FAM91A1: variants seen among roughly 807,000 people sequenced by gnomAD.
The protein encoded by FAM91A1 is protein FAM91A1.
Under a neutral mutation model 113.5 loss-of-function variants are expected in FAM91A1, and 41 were observed. That is an observed-to-expected ratio of 0.36 (90% CI 0.28 to 0.47). The LOEUF (loss-of-function observed/expected upper bound fraction) is 0.47, where lower values mean the gene tolerates loss of function less well. Among genes scored for constraint, FAM91A1 ranks in the 20% least tolerant of loss-of-function variants. The pLI is 1.00. For missense variants in FAM91A1, 696 were observed against 1,001.2 expected, an observed-to-expected ratio of 0.70 and a Z score of 4.11; for synonymous variants, 307 against 347.9, an observed-to-expected ratio of 0.88 and a Z score of 1.31.
In FAM91A1 at chr8:123,814,362, G is replaced by A; in HGVS notation, c.*1658G>A. 1 of 210,032 alleles carries A rather than the reference G, an allele frequency of 4.8e-6. No homozygotes were observed. Among genetic ancestry groups the A allele is most frequent in the South Asian group, 6.1e-5 (1 of 16,348 alleles). The allele number at this position is 210,032 out of a possible 1,614,324, so 13.0% of individuals were successfully genotyped here. A position where few individuals can be genotyped will look rare whatever the true frequency, so the allele number is the denominator to read the frequency against. ...GTAAGTATTTTTTTTTTTTGATCGGGGCTCTTTAATCTCATTTTAATTTCC... is the reference window on the plus strand; with the variant it reads ...GTAAGTATTTTTTTTTTTTGATCGGAGCTCTTTAATCTCATTTTAATTTCC... On this transcript the variant is annotated 3_prime_UTR_variant, in exon 24 of 24. Coordinates refer to ENST00000334705, the MANE Select transcript of FAM91A1 (RefSeq NM_144963.4).
chr8:123,780,611 CG>C, intron 8 of FAM91A1, 69 bp downstream of exon 8: 9 of 1,254,004 alleles, frequency 7.2e-6, no homozygotes, highest in Non-Finnish European at 1.0e-5. Flanking sequence ...GCATATCATC[CG>C]TTCTAGGATC....
At chr8:123,793,314 T>G (rs1471841921) in intron 15 of FAM91A1, among the ~76,000 whole-genome samples, 2 of 152,204 alleles carry the variant, frequency 1.3e-5, no homozygotes, top group African/African-American at 4.8e-5. Flanking sequence ...CATCAGTGTT[T>G]CCTCCTAGAT....
intron 4 of FAM91A1, among the ~76,000 whole-genome samples, chr8:123,777,553 CTA>C (rs1815016529): frequency 1.3e-5 from 2 of 152,290 alleles, no homozygotes; most frequent in African/African-American, 4.8e-5. Flanking sequence ...AAAAATAAGA[CTA>C]ATCTATATAT....
At chr8:123,807,705 G>A (rs1400833753) in intron 20 of FAM91A1, among the ~76,000 whole-genome samples, 1 of 152,060 alleles carries the variant, frequency 6.6e-6, no homozygotes, top group African/African-American at 2.4e-5. Context: ...TTTTTGGAGG[G>A]TGGCAGCCTT....
intron 5 of FAM91A1, 141 bp downstream of exon 5, chr8:123,778,233 C>T: frequency 1.7e-6 from 1 of 598,342 alleles, no homozygotes; most frequent in Non-Finnish European, 2.9e-6. Context: ...AAAAACTCCT[C>T]AGTATTCTCT....
At position 123,768,653 on chromosome 8, in the gene FAM91A1, T is replaced by G; in HGVS notation, c.-50T>G. 11 of 1,488,866 alleles carry G rather than the reference T, an allele frequency of 7.4e-6. No individual in the cohort carries two copies. The highest frequency in any genetic ancestry group is 1.0e-5 in the Non-Finnish European group (11 of 1,094,204). The allele number at this position is 1,488,866 out of a possible 1,614,324, so 92.2% of individuals were successfully genotyped here. A position where few individuals can be genotyped will look rare whatever the true frequency, so the allele number is the denominator to read the frequency against. ...GCTGCGGGCGGGCAGGCGGGAGGCG[T>G]AGTGTGGGTCGCGGTGGCGGCCCCG... On this transcript the variant is annotated 5_prime_UTR_variant, in exon 1 of 24. Coordinates refer to ENST00000334705, the MANE Select transcript of FAM91A1 (RefSeq NM_144963.4).
At chr8:123,782,375 C>A (rs1226003203) in intron 8 of FAM91A1, among the ~76,000 whole-genome samples, 1 of 152,114 alleles carries the variant, frequency 6.6e-6, no homozygotes, top group Non-Finnish European at 1.5e-5. Context: ...ACAAATAATA[C>A]CTGAATGTGA....
At chr8:123,774,014 A>T in intron 1 of FAM91A1, 66 bp from the exon 2 acceptor site, 1 of 1,280,258 alleles carries the variant, frequency 7.8e-7, no homozygotes, top group African/African-American at 1.5e-5. Flanking sequence ...AAAGTGTGTT[A>T]TGGGAAAAAA....
At chr8:123,779,900 T>C in intron 6 of FAM91A1, 85 bp from the exon 7 acceptor site, 1 of 1,086,122 alleles carries the variant, frequency 9.2e-7, no homozygotes, top group Non-Finnish European at 1.4e-6. Flanking sequence ...ATGTAATCAC[T>C]GGTTTCAACA....
In FAM91A1 at chr8:123,807,194, T is replaced by A. The variant is rs146339695; in HGVS notation, c.2032+965T>A. 4.9e-4 allele frequency among the ~76,000 whole-genome samples: 75 copies of A among 152,280 alleles called. No individual in the cohort carries two copies. The East Asian group carries it at 0.013, about 26-fold the overall frequency. On this transcript the variant is annotated intron_variant, in intron 20 of 23. Coordinates refer to ENST00000334705, the MANE Select transcript of FAM91A1 (RefSeq NM_144963.4). The stretch of plus-strand genomic sequence containing the variant: ...ATCTCATTTGTCTTTGGCCAAATAG[T>A]TGACTGCCAAATATTGCAGGAGCAT...
chr8:123,771,686 T>C (rs1814842586), intron 1 of FAM91A1, among the ~76,000 whole-genome samples: 1 of 152,228 alleles, frequency 6.6e-6, no homozygotes, highest in Non-Finnish European at 1.5e-5. Context: ...GGAAATCTTA[T>C]GATAAGTTTC....
At chr8:123,795,420 A>G (rs1181911139) in intron 15 of FAM91A1, among the ~76,000 whole-genome samples, 1 of 127,570 alleles carries the variant, frequency 7.8e-6, no homozygotes, top group East Asian at 2.2e-4. Context: ...CATGATCGTG[A>G]GTTCTCACGA....
intron 1 of FAM91A1, among the ~76,000 whole-genome samples, chr8:123,771,728 T>A (rs1363683705): frequency 1.3e-5 from 2 of 152,174 alleles, no homozygotes; most frequent in Admixed American, 6.5e-5. Context: ...ATTTAAAAAA[T>A]TTTTTGATGC....
At chr8:123,800,110 G>C (rs931578639) in intron 18 of FAM91A1, among the ~76,000 whole-genome samples, 1 of 152,032 alleles carries the variant, frequency 6.6e-6, no homozygotes, top group East Asian at 1.9e-4. Flanking sequence ...AGCCTCACCT[G>C]CTTGCTGCGT....
intron 23 of FAM91A1, chr8:123,811,533 G>A (rs186737170): frequency 6.6e-6 from 1 of 152,158 alleles, no homozygotes; most frequent in Non-Finnish European, 1.5e-5. Context: ...TTGGAGATAG[G>A]TTGATAAAAC....
chr8:123,805,100 T>A (rs1405321650), intron 18 of FAM91A1, among the ~76,000 whole-genome samples, 167 bp from the exon 19 acceptor site: 1 of 152,224 alleles, frequency 6.6e-6, no homozygotes, highest in African/African-American at 2.4e-5. Context: ...ATTATACACA[T>A]AAGATTGTCA....
intron 3 of FAM91A1, among the ~76,000 whole-genome samples, chr8:123,776,015 C>T (rs1302302509): frequency 1.3e-5 from 2 of 152,142 alleles, no homozygotes; most frequent in African/African-American, 4.8e-5. Context: ...TATTCACTAA[C>T]TGTCTAAAGA....
chr8:123,788,625 CTTTA>C (rs1282897227), intron 14 of FAM91A1, among the ~76,000 whole-genome samples: 2 of 151,960 alleles, frequency 1.3e-5, no homozygotes, highest in Admixed American at 6.6e-5. Context: ...CTTCATGCTT[CTTTA>C]TTTGTTAACC....
chr8:123,772,712 C>T lies in FAM91A1; in HGVS notation c.73-1368C>T, dbSNP rs1004700210. 2.0e-5 allele frequency among the ~76,000 whole-genome samples: 3 copies of T among 152,152 alleles called. No individual in the cohort carries two copies. The South Asian group carries it at 6.2e-4, about 32-fold the overall frequency. The stretch of plus-strand genomic sequence containing the variant: ...TCCCCAGAAGTTAACTACTAATAGC[C>T]TATAACTGTTGACTTCCCCGGAAGT... On this transcript the variant is annotated intron_variant, in intron 1 of 23. Transcript: ENST00000334705.
Sources: allele counts gnomAD v4.1 joint callset (sites outside exome capture counted in the v4.1 genomes callset), GRCh38; gene constraint gnomAD v4.1.1; transcripts MANE v1.5; gene names NCBI Gene and HGNC (gene_info 2026-07-23, HGNC 2026-07-21).